SHLD2: variants seen among roughly 807,000 people sequenced by gnomAD.
SHLD2 encodes shieldin complex subunit 2, also known as RINN1-REV7-interacting novel NHEJ regulator 2.
SHLD2 carries 30 observed loss-of-function variants against 73.2 expected under a neutral mutation model. That is an observed-to-expected ratio of 0.41 (90% CI 0.31 to 0.56). The LOEUF is 0.56. Among genes scored for constraint, SHLD2 ranks in the 20% least tolerant of loss-of-function variants. The pLI is 0.28. For synonymous variants in SHLD2, 285 were observed against 370.1 expected (o/e 0.77, Z 2.64); for missense variants, 745 against 1,055.9 (o/e 0.71, Z 4.08).
chr10:87,175,005 T>C (rs1454957924), intron 6 of SHLD2, among the ~76,000 whole-genome samples: 1 of 151,638 alleles, frequency 6.6e-6, no homozygotes, highest in African/African-American at 2.4e-5. Context: ...TAGTCCCAGC[T>C]ACTCCGGAGG....
intron 2 of SHLD2, chr10:87,114,375 C>T (rs1045972747): frequency 2.0e-5 from 3 of 152,170 alleles, no homozygotes; most frequent in Admixed American, 6.5e-5. Flanking sequence ...ATCACTTTAG[C>T]TTTCTCCTGG....
At chr10:87,145,955 T>G (rs1009195936) in intron 2 of SHLD2, among the ~76,000 whole-genome samples, 2 of 152,232 alleles carry the variant, frequency 1.3e-5, no homozygotes, top group African/African-American at 4.8e-5. Context: ...GTCTGTATAA[T>G]TTGGCTATCA....
At chr10:87,144,872 C>T (rs1845479901) in intron 2 of SHLD2, among the ~76,000 whole-genome samples, 1 of 150,502 alleles carries the variant, frequency 6.6e-6, no homozygotes, top group Admixed American at 6.6e-5. Flanking sequence ...GTGATCTGCC[C>T]GCCTCAGCCT....
At chr10:87,149,453 T>G (rs1412815528) in intron 2 of SHLD2, among the ~76,000 whole-genome samples, 1 of 152,058 alleles carries the variant, frequency 6.6e-6, no homozygotes, top group Non-Finnish European at 1.5e-5. Flanking sequence ...CCAGGCACGG[T>G]GGCTCACACC....
At chr10:87,112,733 A>G (rs1269218309) in intron 2 of SHLD2, among the ~76,000 whole-genome samples, 3 of 151,474 alleles carry the variant, frequency 2.0e-5, no homozygotes, top group Non-Finnish European at 4.4e-5. Flanking sequence ...AAAAAACCCA[A>G]AAAACAAAAC....
At chr10:87,181,146 C>T (rs907887392) in intron 8 of SHLD2, among the ~76,000 whole-genome samples, 14 of 124,678 alleles carry the variant, frequency 1.1e-4, no homozygotes, top group South Asian at 2.7e-4. Context: ...TTTGGGAGGC[C>T]GGGGTGGGGG....
intron 4 of SHLD2, among the ~76,000 whole-genome samples, chr10:87,165,501 T>A (rs1033342220): frequency 1.3e-5 from 2 of 152,212 alleles, no homozygotes; most frequent in African/African-American, 4.8e-5. Context: ...ATCCACCATA[T>A]TTTTTGTGGA....
At chr10:87,098,466 T>TC (rs1419574371) in intron 2 of SHLD2, among the ~76,000 whole-genome samples, 2 of 151,170 alleles carry the variant, frequency 1.3e-5, no homozygotes, top group African/African-American at 4.9e-5. Flanking sequence ...TGAGCTGAGA[T>TC]TGCGCCATTG....
At chr10:87,105,456 T>C (rs1200783922) in intron 2 of SHLD2, among the ~76,000 whole-genome samples, 1 of 152,202 alleles carries the variant, frequency 6.6e-6, no homozygotes, top group African/African-American at 2.4e-5. Flanking sequence ...ACGCTGATAA[T>C]GTTGAGTCAG....
At chr10:87,134,863 T>C (rs555828776) in intron 2 of SHLD2, among the ~76,000 whole-genome samples, 2 of 152,276 alleles carry the variant, frequency 1.3e-5, no homozygotes, top group South Asian at 4.1e-4. Flanking sequence ...GTAAGGAAGC[T>C]GGCCTCCAGA....
At chr10:87,121,971 G>A (rs1843660892) in intron 2 of SHLD2, among the ~76,000 whole-genome samples, 1 of 151,646 alleles carries the variant, frequency 6.6e-6, no homozygotes. Context: ...CGCCATGTTG[G>A]CCAGGCTGGT....
chr10:87,137,498 G>T (rs1306421244), intron 2 of SHLD2, among the ~76,000 whole-genome samples: 1 of 152,070 alleles, frequency 6.6e-6, no homozygotes, highest in Non-Finnish European at 1.5e-5. Flanking sequence ...CAGTGAATAT[G>T]AAGACAGATT....
chr10:87,127,664 G>A (rs1173015721), intron 2 of SHLD2, among the ~76,000 whole-genome samples: 1 of 151,038 alleles, frequency 6.6e-6, no homozygotes, highest in Non-Finnish European at 1.5e-5. Context: ...CATTGTGACA[G>A]TGAAATTATT....
chr10:87,137,961 A>G (rs1414821422), intron 2 of SHLD2, among the ~76,000 whole-genome samples: 3 of 152,142 alleles, frequency 2.0e-5, no homozygotes, highest in African/African-American at 7.2e-5. Context: ...ACTTGAACCC[A>G]GGAGTTCGAG....
chr10:87,110,129 A>G (rs1842830177), intron 2 of SHLD2, among the ~76,000 whole-genome samples: 1 of 151,520 alleles, frequency 6.6e-6, no homozygotes, highest in South Asian at 2.1e-4. Flanking sequence ...TCTCTACAAA[A>G]AATACAAAAA....
chr10:87,101,090 C>G (rs1357287945), intron 2 of SHLD2, among the ~76,000 whole-genome samples: 1 of 152,130 alleles, frequency 6.6e-6, no homozygotes, highest in Non-Finnish European at 1.5e-5. Flanking sequence ...TTCTTAAAAC[C>G]AAGTAAGCTA....
chr10:87,102,951 C>G (rs548586110), intron 2 of SHLD2, among the ~76,000 whole-genome samples: 1 of 152,094 alleles, frequency 6.6e-6, no homozygotes, highest in South Asian at 2.1e-4. Context: ...GTGGCTCGCT[C>G]CTGTAATCCC....
intron 2 of SHLD2, among the ~76,000 whole-genome samples, chr10:87,100,678 A>T (rs988994933): frequency 2.6e-5 from 4 of 152,004 alleles, no homozygotes; most frequent in African/African-American, 9.7e-5. Context: ...GGGTTTTATC[A>T]TGTTAGTCAG....
intron 2 of SHLD2, among the ~76,000 whole-genome samples, chr10:87,139,235 C>T (rs949581523): frequency 6.6e-6 from 1 of 151,894 alleles, no homozygotes; most frequent in Non-Finnish European, 1.5e-5. Flanking sequence ...TAGCTATAGA[C>T]TAAAGGCCTT....
Sources: gnomAD v4.1 joint callset for allele counts (sites outside exome capture counted in the v4.1 genomes callset) on GRCh38, gnomAD v4.1.1 for gene constraint, MANE v1.5 for transcripts, NCBI Gene and HGNC (gene_info 2026-07-23, HGNC 2026-07-21) for gene names.